Variants in FTO observed in about 807,000 individuals in gnomAD.
FTO encodes alpha-ketoglutarate-dependent dioxygenase FTO.
FTO carries 47 observed loss-of-function variants against 63.9 expected under a neutral mutation model. That is an observed-to-expected ratio of 0.74 (90% confidence interval 0.58 to 0.94). The LOEUF is 0.94. Ranked by LOEUF, FTO falls within the 40% of genes least tolerant of loss-of-function variation. FTO has a pLI of 0.00. For synonymous variants in FTO, 207 were observed against 224.4 expected, an observed-to-expected ratio of 0.92 and a Z score of 0.69; for missense variants, 562 against 618.1, an observed-to-expected ratio of 0.91 and a Z score of 0.96.
intron 8 of FTO, among the ~76,000 whole-genome samples, chr16:54,064,959 G>A (rs1471679943): frequency 6.6e-6 from 1 of 152,016 alleles, no homozygotes; most frequent in Admixed American, 6.6e-5. Flanking sequence ...TTCCCTGGCT[G>A]CAGATCTCCT....
chr16:53,992,945 C>T (rs1290574927), intron 8 of FTO: 1 of 152,186 alleles, frequency 6.6e-6, no homozygotes, highest in African/African-American at 2.4e-5. Context: ...ACACATTTTA[C>T]AGATGCCTGT....
intron 4 of FTO, among the ~76,000 whole-genome samples, chr16:53,864,208 A>G (rs916186366): frequency 2.6e-5 from 4 of 152,194 alleles, no homozygotes; most frequent in African/African-American, 4.8e-5. Context: ...TGATTGTTTG[A>G]AGCTGGGAAG....
At chr16:54,031,686 A>T (rs1599240490) in intron 8 of FTO, among the ~76,000 whole-genome samples, 3 of 152,320 alleles carry the variant, frequency 2.0e-5, no homozygotes, top group Admixed American at 1.3e-4. Context: ...GAGAAGTTAC[A>T]AATCTGTGAC....
At chr16:53,928,649 T>TTATATTTCTTTA (rs2082205519) in intron 7 of FTO, among the ~76,000 whole-genome samples, 1 of 152,170 alleles carries the variant, frequency 6.6e-6, no homozygotes, top group Non-Finnish European at 1.5e-5. Context: ...TGTCGTTAAG[T>TTATATTTCTTTA]TATATTTCTT....
intron 1 of FTO, among the ~76,000 whole-genome samples, chr16:53,753,450 TC>T (rs1453393640): frequency 6.6e-6 from 1 of 152,072 alleles, no homozygotes; most frequent in Non-Finnish European, 1.5e-5. Context: ...AAGAAATTCT[TC>T]CAAGTTTTGC....
chr16:53,810,929 A>AT (rs2078502981), intron 2 of FTO, among the ~76,000 whole-genome samples: 2 of 152,180 alleles, frequency 1.3e-5, no homozygotes, highest in African/African-American at 4.8e-5. Flanking sequence ...CCCAAGGGGT[A>AT]TGTGGCCTTT....
In FTO at chr16:53,704,193, C is replaced by T. The variant is rs1598446564; in HGVS notation, c.9C>T (p.Arg3=). The part of the protein sequence containing the change: MK[R]TPTAEERERE... ...GCGGCTTTAGTGGCAGCATGAAGCG[C>T]ACCCCGACTGCCGAGGAACGAGAGC... is the stretch of plus-strand genomic sequence containing the variant. Residue 3 remains arginine, a synonymous_variant, in exon 1 of 9, where the codon CGC becomes CGT. Transcript: ENST00000471389. 2 of 1,551,516 alleles carry T rather than the reference C, an allele frequency of 1.3e-6. No individual in the cohort carries two copies. Among genetic ancestry groups the T allele is most frequent in the Non-Finnish European group, 1.7e-6 (2 of 1,146,844 alleles).
At chr16:53,752,419 T>C (rs2076819953) in intron 1 of FTO, among the ~76,000 whole-genome samples, 1 of 152,216 alleles carries the variant, frequency 6.6e-6, no homozygotes. Context: ...GTCCACCAGC[T>C]GATGAATGGA....
intron 1 of FTO, among the ~76,000 whole-genome samples, chr16:53,765,935 G>A (rs9937354): frequency 0.42 from 63,443 of 151,982 alleles, 13,477 homozygotes; most frequent in Non-Finnish European, 0.44. Context: ...TAGGGAGCGT[G>A]TGTGTGGAGT....
intron 8 of FTO, among the ~76,000 whole-genome samples, chr16:54,078,426 A>G (rs1202664700): frequency 6.7e-6 from 1 of 149,388 alleles, no homozygotes; most frequent in East Asian, 1.9e-4. Context: ...ATAAATATAT[A>G]TTTGCACACA....
intron 1 of FTO, among the ~76,000 whole-genome samples, chr16:53,733,171 G>A (rs951547583): frequency 1.9e-4 from 29 of 152,274 alleles, no homozygotes; most frequent in African/African-American, 4.3e-4. Flanking sequence ...AGGCCGAGGC[G>A]GGAGGATCAC....
At position 54,110,572 on chromosome 16, in the gene FTO, A is replaced by C. The variant is rs375862358; in HGVS notation, c.1365-1190A>C. Among the ~76,000 whole-genome samples, 133 of 152,330 alleles carry C rather than the reference A, an allele frequency of 8.7e-4. 1 individual carries two copies. The highest frequency in any genetic ancestry group is 3.0e-3 in the African/African-American group (126 of 41,572). On this transcript the variant is annotated intron_variant, in intron 8 of 8. Transcript: ENST00000471389. ...ATGTTTTCCCCGGGGGGATCCCCTC[A>C]CCATTAATAATTCCCCAGAGAAGAA...
chr16:53,962,344 T>C (rs1418067723), intron 8 of FTO, among the ~76,000 whole-genome samples: 1 of 152,148 alleles, frequency 6.6e-6, no homozygotes, highest in African/African-American at 2.4e-5. Flanking sequence ...ATCATAACGT[T>C]ACTTTAATTT....
chr16:54,042,346 G>A (rs1220450079), intron 8 of FTO, among the ~76,000 whole-genome samples: 10 of 123,476 alleles, frequency 8.1e-5, no homozygotes, highest in Non-Finnish European at 1.3e-4. Flanking sequence ...AAGGGGTGAC[G>A]GACGCACCTG....
At chr16:53,929,907 G>C (rs1025352758) in intron 7 of FTO, among the ~76,000 whole-genome samples, 1 of 152,190 alleles carries the variant, frequency 6.6e-6, no homozygotes, top group Non-Finnish European at 1.5e-5. Context: ...AACCATTGCA[G>C]TAGGGAAGTG....
rs540194070 is a variant in FTO, at chr16:54,079,694, C to T, written c.1365-32068C>T. 2.8e-4 allele frequency among the ~76,000 whole-genome samples: 43 copies of T among 152,180 alleles called. No individual in the cohort carries two copies. In the South Asian group the frequency reaches 8.7e-3, roughly 31 times the overall value. On this transcript the variant is annotated intron_variant, in intron 8 of 8. Coordinates refer to ENST00000471389, the MANE Select transcript of FTO (RefSeq NM_001080432.3). ...GGTGATAAATAGGAACGAAGCAGGC[C>T]GCACAGAGAGAGCCTGGACGAGTTT...
At chr16:53,768,655 C>T (rs2077264824) in intron 1 of FTO, among the ~76,000 whole-genome samples, 2 of 152,158 alleles carry the variant, frequency 1.3e-5, no homozygotes, top group South Asian at 4.1e-4. Flanking sequence ...AGCTTATGAG[C>T]ACAGAGTCAT....
chr16:53,975,634 G>A (rs182780473), intron 8 of FTO, among the ~76,000 whole-genome samples: 73 of 150,570 alleles, frequency 4.8e-4, no homozygotes, highest in African/African-American at 1.8e-3. Context: ...TGTACTCTAC[G>A]AATCTTACCC....
At chr16:53,868,615 T>A (rs2080401016) in intron 4 of FTO, among the ~76,000 whole-genome samples, 1 of 152,178 alleles carries the variant, frequency 6.6e-6, no homozygotes, top group African/African-American at 2.4e-5. Flanking sequence ...TGTGAATAAA[T>A]TGTTATCTCT....
Sources: gnomAD v4.1 joint callset for allele counts (sites outside exome capture counted in the v4.1 genomes callset) on GRCh38, gnomAD v4.1.1 for gene constraint, MANE v1.5 for transcripts, NCBI Gene and HGNC (gene_info 2026-07-23, HGNC 2026-07-21) for gene names.